PTPRD: variants seen among roughly 807,000 people sequenced by gnomAD.
PTPRD encodes protein tyrosine phosphatase receptor type D, also known as receptor-type tyrosine-protein phosphatase delta.
In PTPRD, 34 loss-of-function variants were observed where a neutral mutation model predicts 214.5. The observed-to-expected ratio is 0.16, with a 90% CI of 0.12 to 0.21. The LOEUF is 0.21. Among genes scored for constraint, PTPRD ranks in the 10% least tolerant of loss-of-function variants. The pLI, the probability that PTPRD is intolerant of heterozygous loss-of-function variation, is 1.00. For missense variants in PTPRD, 2,545 were observed against 2,398.7 expected (o/e 1.06, Z -1.27); for synonymous variants, 1,128 against 845.7 (o/e 1.33, Z -5.79).
chr9:8,314,917 G>A lies in PTPRD; in HGVS notation c.*2957C>T, dbSNP rs988499692. The A allele has an allele frequency of 9.5e-5, 22 of 232,202 alleles. No individual in the cohort carries two copies. The highest frequency in any genetic ancestry group is 3.8e-4 in the African/African-American group (17 of 45,228). 14.4% of individuals were successfully genotyped at this position (232,202 alleles called of 1,614,324 possible). A position where few individuals can be genotyped will look rare whatever the true frequency, so the allele number is the denominator to read the frequency against. ...CTTCCCTCCCCTGGCTGTCCTCGCC[G>A]TTTTCTAACCATGCAAATCATTTTT... is the stretch of plus-strand genomic sequence containing the variant. On this transcript the variant is annotated 3_prime_UTR_variant, in exon 46 of 46. Coordinates refer to ENST00000381196, the MANE Select transcript of PTPRD (RefSeq NM_002839.4).
intron 3 of PTPRD, among the ~76,000 whole-genome samples, chr9:10,061,667 G>A (rs1160530379): frequency 2.6e-5 from 4 of 152,018 alleles, no homozygotes; most frequent in Non-Finnish European, 4.4e-5. Context: ...TTAAGAGGCT[G>A]ATTTATCCAG....
chr9:10,598,871 G>A (rs1567143663), intron 2 of PTPRD, among the ~76,000 whole-genome samples: 1 of 151,448 alleles, frequency 6.6e-6, no homozygotes, highest in Admixed American at 6.6e-5. Flanking sequence ...AAGAATGTAT[G>A]ACACTACCAA....
intron 5 of PTPRD, among the ~76,000 whole-genome samples, chr9:9,936,123 C>T (rs1428997395): frequency 1.4e-5 from 2 of 146,962 alleles, no homozygotes; most frequent in African/African-American, 2.7e-5. Context: ...ACCATAAAAG[C>T]CCTAGAAGAA....
At chr9:9,911,467 C>T (rs945930238) in intron 5 of PTPRD, among the ~76,000 whole-genome samples, 4 of 139,980 alleles carry the variant, frequency 2.9e-5, no homozygotes, top group Non-Finnish European at 4.6e-5. Flanking sequence ...GACTCCCTTA[C>T]CATTTGTTAT....
At chr9:8,623,896 A>C (rs1216647490) in intron 14 of PTPRD, among the ~76,000 whole-genome samples, 2 of 151,994 alleles carry the variant, frequency 1.3e-5, no homozygotes, top group African/African-American at 2.4e-5. Context: ...TCAAAAAAAC[A>C]AAACAAACGA....
rs1255613277 is a variant in PTPRD, at chr9:9,332,103, C to T, written c.-203+65346G>A. Among the ~76,000 whole-genome samples, 3 of 152,020 alleles carry T rather than the reference C, an allele frequency of 2.0e-5. No individual in the cohort carries two copies. In the East Asian group the frequency reaches 5.8e-4, roughly 29 times the overall value. On this transcript the variant is annotated intron_variant, in intron 9 of 45. Transcript: ENST00000381196. ...TGAGGAGGATCACTAAAGACAATGA[C>T]AGAGAGCAATACACAGAAAATGATT...
chr9:9,961,522 G>A (rs7027476), intron 4 of PTPRD, among the ~76,000 whole-genome samples: 98,111 of 152,062 alleles, frequency 0.65, 33,451 homozygotes, highest in East Asian at 0.92. Context: ...TTCAAGGACC[G>A]TTAAATGGAG....
intron 5 of PTPRD, among the ~76,000 whole-genome samples, chr9:9,893,601 G>A (rs1227184817): frequency 6.6e-6 from 1 of 152,056 alleles, no homozygotes; most frequent in East Asian, 1.9e-4. Flanking sequence ...GAATAACCAA[G>A]CTTCTTTTGT....
intron 8 of PTPRD, among the ~76,000 whole-genome samples, chr9:9,524,969 T>A (rs1448244004): frequency 2.6e-5 from 4 of 152,174 alleles, no homozygotes; most frequent in African/African-American, 9.7e-5. Flanking sequence ...GCCATTCTCC[T>A]GCCTCAGCCT....
At position 10,232,907 on chromosome 9, in the gene PTPRD, A is replaced by G. The variant is rs181763859; in HGVS notation, c.-545+108056T>C. ...ATGTGACTTGAAAGAACAAAAATGG[A>G]AACAAAGATTTTAAACATTCCATTC... On this transcript the variant is annotated intron_variant, in intron 3 of 45. Transcript: ENST00000381196. Among the ~76,000 whole-genome samples the G allele has an allele frequency of 3.7e-3, 557 of 152,108 alleles. 6 individuals are homozygous for G. Among genetic ancestry groups the G allele is most frequent in the African/African-American group, 0.012 (518 of 41,546 alleles).
chr9:9,899,594 C>G (rs940512898), intron 5 of PTPRD, among the ~76,000 whole-genome samples: 1 of 151,820 alleles, frequency 6.6e-6, no homozygotes, highest in East Asian at 1.9e-4. Flanking sequence ...CTCATATACT[C>G]TTGGTGTAAT....
intron 4 of PTPRD, among the ~76,000 whole-genome samples, chr9:9,966,727 G>C (rs904431009): frequency 6.6e-6 from 1 of 152,010 alleles, no homozygotes. Context: ...ACACTCCTTC[G>C]GTCAGTGTTA....
intron 4 of PTPRD, among the ~76,000 whole-genome samples, chr9:9,949,111 G>A (rs924979367): frequency 6.6e-6 from 1 of 151,928 alleles, no homozygotes; most frequent in Admixed American, 6.6e-5. Context: ...CAAACATAAG[G>A]GGAAGAGATG....
rs927981810 is a variant in PTPRD at position 8,397,483 on chromosome 9, T to C, written c.4210+7054A>G. ...GGTTTTTTTGGTTTTGTTTTACTTA[T>C]TGAAAATACATCCAGTTACCAGATA... is the stretch of plus-strand genomic sequence containing the variant. On this transcript the variant is annotated intron_variant, in intron 36 of 45. Coordinates refer to ENST00000381196, the MANE Select transcript of PTPRD (RefSeq NM_002839.4). Among the ~76,000 whole-genome samples the C allele has an allele frequency of 6.6e-5, 10 of 152,274 alleles. 1 individual carries two copies. In the East Asian group the frequency reaches 1.9e-3, roughly 29 times the overall value.
chr9:9,374,969 A>G (rs2060406361), intron 9 of PTPRD, among the ~76,000 whole-genome samples: 1 of 152,204 alleles, frequency 6.6e-6, no homozygotes, highest in South Asian at 2.1e-4. Flanking sequence ...AAAGAATTGG[A>G]TATCATGAGC....
intron 3 of PTPRD, among the ~76,000 whole-genome samples, chr9:10,257,382 G>A (rs1333613189): frequency 6.6e-6 from 1 of 152,056 alleles, no homozygotes. Flanking sequence ...GGCTCCCAGG[G>A]GCTATGGCAA....
chr9:8,677,993 T>C (rs2097466253), intron 12 of PTPRD, among the ~76,000 whole-genome samples: 1 of 152,300 alleles, frequency 6.6e-6, no homozygotes, highest in African/African-American at 2.4e-5. Flanking sequence ...TGCAGGCTGC[T>C]TGTGTCTCTC....
chr9:9,351,582 C>T (rs1486012529), intron 9 of PTPRD, among the ~76,000 whole-genome samples: 1 of 152,038 alleles, frequency 6.6e-6, no homozygotes, highest in African/African-American at 2.4e-5. Flanking sequence ...CACCCTGACA[C>T]AGAACATGTT....
At chr9:9,394,051 A>G (rs145751967) in intron 9 of PTPRD, among the ~76,000 whole-genome samples, 34 of 152,282 alleles carry the variant, frequency 2.2e-4, no homozygotes, top group African/African-American at 7.5e-4. Context: ...ACATACACAC[A>G]AAACTTTAAT....
Sources: allele counts gnomAD v4.1 joint callset (sites outside exome capture counted in the v4.1 genomes callset), GRCh38; gene constraint gnomAD v4.1.1; transcripts MANE v1.5; gene names NCBI Gene and HGNC (gene_info 2026-07-23, HGNC 2026-07-21).